The following PRKCB variants were observed in gnomAD, a reference collection of about 807,000 sequenced individuals.
PRKCB encodes protein kinase C beta type.
In PRKCB, 13 loss-of-function variants were observed where a neutral mutation model predicts 81.5. The observed-to-expected ratio is 0.16, with a 90% CI of 0.10 to 0.25. The LOEUF is 0.25. Among genes scored for constraint, PRKCB ranks in the 10% least tolerant of loss-of-function variants. The pLI is 1.00. For synonymous variants in PRKCB, 335 were observed against 321.4 expected, an observed-to-expected ratio of 1.04 and a Z score of -0.45; for missense variants, 509 against 875.7, an observed-to-expected ratio of 0.58 and a Z score of 5.29.
chr16:23,935,200 C>T (rs1170883438), intron 2 of PRKCB, among the ~76,000 whole-genome samples: 1 of 152,182 alleles, frequency 6.6e-6, no homozygotes, highest in Non-Finnish European at 1.5e-5. Flanking sequence ...TGCCCTGCCT[C>T]TACCTCTGTC....
At chr16:24,123,027 A>G (rs75491926) in intron 8 of PRKCB, among the ~76,000 whole-genome samples, 6,971 of 152,320 alleles carry the variant, frequency 0.046, 537 homozygotes, top group African/African-American at 0.16. Context: ...ATGGAGAATG[A>G]GAAATATTCC....
intron 7 of PRKCB, among the ~76,000 whole-genome samples, chr16:24,110,532 T>TTTTTGGG (rs1966662931): frequency 7.0e-6 from 1 of 143,742 alleles, no homozygotes; most frequent in Non-Finnish European, 1.5e-5. Context: ...TTTTTTTTTT[T>TTTTTGGG]GAGAGACAGG....
At chr16:24,097,846 A>G (rs908399568) in intron 7 of PRKCB, among the ~76,000 whole-genome samples, 6 of 152,216 alleles carry the variant, frequency 3.9e-5, no homozygotes, top group Non-Finnish European at 8.8e-5. Context: ...GCTGTTATCA[A>G]TAGAAAGGAA....
intron 13 of PRKCB, among the ~76,000 whole-genome samples, chr16:24,184,103 G>A (rs565605397): frequency 3.3e-5 from 5 of 152,228 alleles, no homozygotes; most frequent in East Asian, 3.9e-4. Flanking sequence ...TCCATTCAAC[G>A]GAATGCTATG....
In PRKCB at chr16:23,951,591, T is replaced by C. The variant is rs1964284706; in HGVS notation, c.206-36917T>C. On this transcript the variant is annotated intron_variant, in intron 2 of 16. Coordinates refer to ENST00000643927, the MANE Select transcript of PRKCB (RefSeq NM_002738.7). ...CCACTATGCCAGGCTTTTTTTTTTT[T>C]TTTTTTTGTAGAGACAGGGTTTTGC... Among the ~76,000 whole-genome samples the C allele has an allele frequency of 2.0e-5, 3 of 150,554 alleles. 1 individual carries two copies. The South Asian group carries it at 6.4e-4, about 32-fold the overall frequency.
At chr16:24,214,627 C>T (rs774286039) in intron 16 of PRKCB, 31 bp from the exon 17 acceptor site, 6 of 1,579,870 alleles carry the variant, frequency 3.8e-6, no homozygotes, top group Non-Finnish European at 5.2e-6. Context: ...TTTTCCCACC[C>T]ACCACAAGTT....
At chr16:24,034,080 A>G (rs1244504028) in intron 4 of PRKCB, among the ~76,000 whole-genome samples, 3 of 152,178 alleles carry the variant, frequency 2.0e-5, no homozygotes, top group African/African-American at 7.2e-5. Context: ...ACACAGAAAC[A>G]TGGCAAGAGC....
At chr16:24,064,933 C>CAT (rs978178867) in intron 5 of PRKCB, among the ~76,000 whole-genome samples, 1 of 147,982 alleles carries the variant, frequency 6.8e-6, no homozygotes, top group Admixed American at 6.7e-5. Flanking sequence ...TACATATATA[C>CAT]ATATATATAG....
intron 9 of PRKCB, among the ~76,000 whole-genome samples, chr16:24,134,929 G>A (rs1206541346): frequency 1.3e-5 from 2 of 151,624 alleles, no homozygotes; most frequent in Non-Finnish European, 2.9e-5. Context: ...TTAGAAAGCT[G>A]CATAATGACA....
Position 24,217,856 on chromosome 16 carries a change from GCCC to G in PRKCB, c.*3041_*3043del. The G allele has an allele frequency of 1.0e-6, 1 of 985,398 alleles. No homozygotes were observed. Among genetic ancestry groups the G allele is most frequent in the Non-Finnish European group, 1.2e-6 (1 of 829,932 alleles). The allele number at this position is 985,398 out of a possible 1,614,324, so 61.0% of individuals were successfully genotyped here. A position where few individuals can be genotyped will look rare whatever the true frequency, so the allele number is the denominator to read the frequency against. ...TCCTGGAGTTCTCAGACCTTTAGGG[GCCC>G]TAACACAGTTCAGTTCATACAGGGG... On this transcript the variant is annotated 3_prime_UTR_variant, in exon 17 of 17. Transcript: ENST00000643927.
rs142641761 is a variant in PRKCB, at chr16:24,213,008, A to G, written c.1864-1650A>G. Among the ~76,000 whole-genome samples the G allele has an allele frequency of 2.3e-3, 234 of 103,080 alleles. 1 individual carries two copies. The highest frequency in any genetic ancestry group is 5.8e-3 in the African/African-American group (170 of 29,296). 67.6% of individuals were successfully genotyped at this position (103,080 alleles called of 152,430 possible). A position where few individuals can be genotyped will look rare whatever the true frequency, so the allele number is the denominator to read the frequency against. On this transcript the variant is annotated intron_variant, in intron 16 of 16. Coordinates refer to ENST00000643927, the MANE Select transcript of PRKCB (RefSeq NM_002738.7). ...CACCAGGCTGCCACCGTACTTGTAT[A>G]TTTATTTATTTATTTATTTATTTAT...
At position 24,075,172 on chromosome 16, in the gene PRKCB, A is replaced by T. The variant is rs1162347654; in HGVS notation, c.530-17619A>T. Among the ~76,000 whole-genome samples the T allele has an allele frequency of 2.6e-5, 4 of 152,094 alleles. No individual in the cohort carries two copies. The East Asian group carries it at 5.8e-4, about 22-fold the overall frequency. On this transcript the variant is annotated intron_variant, in intron 5 of 16. Transcript: ENST00000643927. ...AAAATTAAATAAAATGCAAAACTCA[A>T]TTTTTCCAACACAATAGCCACATTT... is the stretch of plus-strand genomic sequence containing the variant.
chr16:24,170,637 A>G (rs1177585548), intron 10 of PRKCB, among the ~76,000 whole-genome samples: 2 of 152,228 alleles, frequency 1.3e-5, no homozygotes, highest in African/African-American at 4.8e-5. Context: ...CCAAGGGCCA[A>G]AACACACATC....
At chr16:24,134,197 C>A (rs529998674) in intron 9 of PRKCB, among the ~76,000 whole-genome samples, 2 of 152,254 alleles carry the variant, frequency 1.3e-5, no homozygotes, top group South Asian at 4.1e-4. Flanking sequence ...CATGCCCAGT[C>A]CAAACCACTA....
At chr16:23,970,764 G>A (rs1964545152) in intron 2 of PRKCB, among the ~76,000 whole-genome samples, 1 of 152,234 alleles carries the variant, frequency 6.6e-6, no homozygotes, top group Non-Finnish European at 1.5e-5. Flanking sequence ...CCTGTCTTGT[G>A]TTAAATAGTC....
At chr16:24,143,229 T>C (rs987298900) in intron 9 of PRKCB, among the ~76,000 whole-genome samples, 4 of 152,048 alleles carry the variant, frequency 2.6e-5, no homozygotes, top group Admixed American at 6.6e-5. Context: ...ACCTCCTTGG[T>C]TCAAGCGAGT....
intron 7 of PRKCB, among the ~76,000 whole-genome samples, chr16:24,101,198 C>T (rs1966502363): frequency 6.6e-6 from 1 of 152,138 alleles, no homozygotes; most frequent in East Asian, 1.9e-4. Flanking sequence ...AGTTTTAGTC[C>T]CCAAGCAAGG....
chr16:24,201,649 T>G (rs1397752083), intron 16 of PRKCB, among the ~76,000 whole-genome samples: 2 of 152,108 alleles, frequency 1.3e-5, no homozygotes, highest in Non-Finnish European at 2.9e-5. Flanking sequence ...GAGAGCTGGA[T>G]CTAATCCAGA....
intron 10 of PRKCB, among the ~76,000 whole-genome samples, chr16:24,161,691 T>C (rs1967259414): frequency 6.6e-6 from 1 of 152,186 alleles, no homozygotes; most frequent in Admixed American, 6.5e-5. Flanking sequence ...TGTGATTGCT[T>C]GCTAGATGAC....
Sources: gnomAD v4.1 joint callset for allele counts (sites outside exome capture counted in the v4.1 genomes callset) on GRCh38, gnomAD v4.1.1 for gene constraint, MANE v1.5 for transcripts, NCBI Gene and HGNC (gene_info 2026-07-23, HGNC 2026-07-21) for gene names.